Variants in RNF122 observed in about 807,000 individuals in gnomAD.
RNF122 encodes the protein ring finger protein 122.
Under a neutral mutation model 24.2 loss-of-function variants are expected in RNF122, and 17 were observed. The ratio of observed to expected loss-of-function variants is 0.70; its 90% confidence interval spans 0.48 to 1.06. The LOEUF is 1.06. Ranked by LOEUF, RNF122 falls within the 50% of genes least tolerant of loss-of-function variation. The probability of loss-of-function intolerance (pLI) is 0.00; values close to 1 mark genes in which losing one functional copy is unlikely to be tolerated. For synonymous variants in RNF122, 65 were observed against 71.8 expected, an observed-to-expected ratio of 0.91 and a Z score of 0.48; for missense variants, 168 against 198.1, an observed-to-expected ratio of 0.85 and a Z score of 0.91.
chr8:33,558,794 AT>A, intron 1 of RNF122, 23 bp from the exon 2 acceptor site: 1 of 1,531,172 alleles, frequency 6.5e-7, no homozygotes, highest in Non-Finnish European at 8.8e-7. Flanking sequence ...AGAAAAAAAA[AT>A]CATTAGGGTT....
intron 2 of RNF122, among the ~76,000 whole-genome samples, chr8:33,556,225 A>G (rs961382117): frequency 6.0e-5 from 9 of 150,162 alleles, no homozygotes; most frequent in Non-Finnish European, 1.2e-4. Context: ...GGTCACACCT[A>G]TTATTGGTTG....
intron 2 of RNF122, among the ~76,000 whole-genome samples, chr8:33,551,840 A>C (rs145607539): frequency 6.6e-6 from 1 of 152,184 alleles, no homozygotes; most frequent in South Asian, 2.1e-4. Context: ...CCCGGAGAAC[A>C]TAAGTATTCT....
At position 33,548,777 on chromosome 8, in the gene RNF122, C is replaced by A; in HGVS notation, c.444G>T (p.Gly148=). 1 of 1,613,418 alleles carries A rather than the reference C, an allele frequency of 6.2e-7. No individual in the cohort carries two copies. Among genetic ancestry groups the A allele is most frequent in the East Asian group, 2.2e-5 (1 of 44,850 alleles). The change falls in exon 6 of 6, where the codon GGG becomes GGT. Residue 148 remains glycine, a synonymous_variant. Transcript: ENST00000256257. ...CTCACACCAGCTCATCCAATAGAAT[C>A]CCAATGTTCTGCGTGGCCTCTGAGG... The part of the protein sequence containing the change: ...ASPSEATQNI[G]ILLDELV
At position 33,548,628 on chromosome 8, in the gene RNF122, C is replaced by T. The variant is rs778213224; in HGVS notation, c.*125G>A. ...TGAGGGTAGAAGCCCAGTCCTAGAC[C>T]ACCCTTCTCATCACTGGGAAAGTGA... On this transcript the variant is annotated 3_prime_UTR_variant, in exon 6 of 6. Coordinates refer to ENST00000256257, the MANE Select transcript of RNF122 (RefSeq NM_024787.3). 1.5e-6 allele frequency: 1 copy of T among 687,872 alleles called. No homozygotes were observed. Among genetic ancestry groups the T allele is most frequent in the African/African-American group, 1.8e-5 (1 of 56,968 alleles). The allele number at this position is 687,872 out of a possible 1,614,324, so 42.6% of individuals were successfully genotyped here. A position where few individuals can be genotyped will look rare whatever the true frequency, so the allele number is the denominator to read the frequency against.
chr8:33,561,479 TCC>T (rs1432409166), intron 1 of RNF122, among the ~76,000 whole-genome samples: 2 of 151,658 alleles, frequency 1.3e-5, no homozygotes, highest in East Asian at 3.9e-4. Flanking sequence ...GTTGATGTCA[TCC>T]CTGTTTCTAG....
rs570071398 is a variant in RNF122, at chr8:33,548,757, A to G, written c.464T>C (p.Val155Ala). The G allele has an allele frequency of 6.2e-7, 1 of 1,607,502 alleles. No individual in the cohort carries two copies. Among genetic ancestry groups the G allele is most frequent in the South Asian group, 1.1e-5 (1 of 90,934 alleles). The part of the protein sequence containing the change: ...QNIGILLDEL[V>A] Reference sequence around the variant, plus strand: ...GTCTCGGTGTAGCGGCAGCACTCACACCAGCTCATCCAATAGAATCCCAAT... The same window carrying G: ...GTCTCGGTGTAGCGGCAGCACTCACGCCAGCTCATCCAATAGAATCCCAAT... The change falls in exon 6 of 6, where the codon GTG becomes GCG. Residue 155 changes from valine (V) to alanine (A), a missense_variant. Coordinates refer to ENST00000256257, the MANE Select transcript of RNF122 (RefSeq NM_024787.3).
At chr8:33,558,836 G>T in intron 1 of RNF122, 65 bp from the exon 2 acceptor site, 1 of 1,321,640 alleles carries the variant, frequency 7.6e-7, no homozygotes, top group Middle Eastern at 2.0e-4. Context: ...ATAGCACTGT[G>T]TCAGCAGGAT....
chr8:33,557,179 T>C (rs1045084378), intron 2 of RNF122, among the ~76,000 whole-genome samples: 4 of 152,206 alleles, frequency 2.6e-5, no homozygotes, highest in Non-Finnish European at 1.5e-5. Flanking sequence ...AGACTACTAG[T>C]ATGCCCTATT....
intron 4 of RNF122, among the ~76,000 whole-genome samples, chr8:33,550,367 C>A (rs1213893065): frequency 6.6e-6 from 1 of 152,160 alleles, no homozygotes; most frequent in East Asian, 1.9e-4. Context: ...AATGAGGCCA[C>A]GTCTAGGCAG....
At chr8:33,549,086 C>T (rs183350996) in intron 5 of RNF122, among the ~76,000 whole-genome samples, 3 of 151,960 alleles carry the variant, frequency 2.0e-5, no homozygotes, top group Middle Eastern at 3.4e-3. Flanking sequence ...CCAGGCATGG[C>T]GGTGGACACC....
chr8:33,555,601 G>A (rs1357376374), intron 2 of RNF122, among the ~76,000 whole-genome samples: 1 of 152,228 alleles, frequency 6.6e-6, no homozygotes, highest in Non-Finnish European at 1.5e-5. Flanking sequence ...CTGCAAGGGG[G>A]TGGTTGTGGA....
intron 2 of RNF122, among the ~76,000 whole-genome samples, chr8:33,555,570 T>C (rs1326608091): frequency 6.6e-6 from 1 of 152,198 alleles, no homozygotes; most frequent in Non-Finnish European, 1.5e-5. Flanking sequence ...AACCTGTCCT[T>C]CTGCAAGAAC....
At position 33,548,653 on chromosome 8, in the gene RNF122, A is replaced by G; in HGVS notation, c.*100T>C. On this transcript the variant is annotated 3_prime_UTR_variant, in exon 6 of 6. Coordinates refer to ENST00000256257, the MANE Select transcript of RNF122 (RefSeq NM_024787.3). ...CACCCTTCTCATCACTGGGAAAGTG[A>G]TCGTCATCACCCTACAGTCCTGTTG... The G allele has an allele frequency of 1.3e-6, 1 of 767,152 alleles. No individual in the cohort carries two copies. The highest frequency in any genetic ancestry group is 2.3e-6 in the Non-Finnish European group (1 of 434,964). The allele number at this position is 767,152 out of a possible 1,614,324, so 47.5% of individuals were successfully genotyped here. A position where few individuals can be genotyped will look rare whatever the true frequency, so the allele number is the denominator to read the frequency against.
intron 1 of RNF122, among the ~76,000 whole-genome samples, chr8:33,561,645 T>C (rs973455558): frequency 2.0e-5 from 3 of 151,994 alleles, no homozygotes; most frequent in Admixed American, 1.3e-4. Context: ...TGGGTTCAAG[T>C]GATCCTTCTA....
rs756995248 is a variant in RNF122 at position 33,549,512 on chromosome 8, G to A, written c.271-20C>T. On this transcript the variant is annotated intron_variant, in intron 4 of 5. Transcript: ENST00000256257. Reference sequence around the variant, plus strand: ...GGTCTGCTGCAGAGAGAAAAGAGCAGGTGTGTGAGGAACTGGGGAACCATC... The same window carrying A: ...GGTCTGCTGCAGAGAGAAAAGAGCAAGTGTGTGAGGAACTGGGGAACCATC... 7 of 1,590,592 alleles carry A rather than the reference G, an allele frequency of 4.4e-6. No individual in the cohort carries two copies. The South Asian group carries it at 7.7e-5, about 18-fold the overall frequency.
intron 1 of RNF122, among the ~76,000 whole-genome samples, chr8:33,561,814 G>C (rs995545375): frequency 2.6e-5 from 4 of 152,072 alleles, no homozygotes; most frequent in African/African-American, 7.2e-5. Context: ...AGAAAGTGCT[G>C]GGATTACAGC....
chr8:33,559,180 C>T (rs1318109365), intron 1 of RNF122, among the ~76,000 whole-genome samples: 1 of 152,000 alleles, frequency 6.6e-6, no homozygotes, highest in African/African-American at 2.4e-5. Context: ...CATGTACTAC[C>T]ATGTAGTCCC....
rs186054435 is a variant in RNF122 at position 33,562,316 on chromosome 8, G to A, written c.26-3545C>T. Among the ~76,000 whole-genome samples the A allele has an allele frequency of 1.4e-3, 206 of 150,494 alleles. 1 individual carries two copies. Among genetic ancestry groups the A allele is most frequent in the South Asian group, 4.2e-3 (20 of 4,754 alleles). ...TTTGGGAGGCTGAGGCAGGAGGACC[G>A]CTTGAGGCCAGAAGTTCAAGACTAA... is the stretch of plus-strand genomic sequence containing the variant. On this transcript the variant is annotated intron_variant, in intron 1 of 5. Coordinates refer to ENST00000256257, the MANE Select transcript of RNF122 (RefSeq NM_024787.3).
intron 1 of RNF122, among the ~76,000 whole-genome samples, chr8:33,562,362 C>T (rs1251278029): frequency 6.6e-6 from 1 of 151,004 alleles, no homozygotes; most frequent in Non-Finnish European, 1.5e-5. Flanking sequence ...ATAGTAAGAC[C>T]CCCACCTCTA....
Sources: allele counts gnomAD v4.1 joint callset (sites outside exome capture counted in the v4.1 genomes callset), GRCh38; gene constraint gnomAD v4.1.1; transcripts MANE v1.5; gene names NCBI Gene and HGNC (gene_info 2026-07-23, HGNC 2026-07-21).